Variants in WWOX observed in about 807,000 individuals in gnomAD.
WWOX encodes the protein WW domain containing oxidoreductase.
In WWOX, 69 loss-of-function variants were observed where a neutral mutation model predicts 46.2. The ratio of observed to expected loss-of-function variants is 1.49; its 90% CI spans 1.23 to 1.82. The LOEUF is 1.82. Ranked by LOEUF, WWOX falls within the 40% of genes most tolerant of loss-of-function variation. The pLI, the probability that WWOX is intolerant of heterozygous loss-of-function variation, is 0.00. For synonymous variants in WWOX, 359 were observed against 202.6 expected, an observed-to-expected ratio of 1.77 and a Z score of -6.56; for missense variants, 919 against 542.6, an observed-to-expected ratio of 1.69 and a Z score of -6.89.
At chr16:78,990,079 G>A (rs530739815) in intron 8 of WWOX, among the ~76,000 whole-genome samples, 26 of 151,778 alleles carry the variant, frequency 1.7e-4, no homozygotes, top group African/African-American at 5.6e-4. Context: ...AGCTACTCGG[G>A]AGGCTGAAGT....
chr16:79,076,006 G>A (rs1035770321), intron 8 of WWOX, among the ~76,000 whole-genome samples: 1 of 152,092 alleles, frequency 6.6e-6, no homozygotes, highest in African/African-American at 2.4e-5. Flanking sequence ...TGTTGAAGTG[G>A]GGTTTTTTTC....
intron 8 of WWOX, among the ~76,000 whole-genome samples, chr16:78,850,140 TTC>T (rs1407989440): frequency 2.0e-5 from 3 of 152,010 alleles, no homozygotes; most frequent in Non-Finnish European, 4.4e-5. Context: ...CACTACCAGT[TTC>T]TGTGTGTGTG....
At chr16:78,782,142 T>G (rs1160686498) in intron 8 of WWOX, among the ~76,000 whole-genome samples, 1 of 152,034 alleles carries the variant, frequency 6.6e-6, no homozygotes, top group East Asian at 1.9e-4. Context: ...GGCTTTAATT[T>G]CCCCCTCCAG....
At chr16:79,089,673 G>C (rs577789751) in intron 8 of WWOX, among the ~76,000 whole-genome samples, 1 of 152,120 alleles carries the variant, frequency 6.6e-6, no homozygotes, top group Non-Finnish European at 1.5e-5. Flanking sequence ...TGACTTCTTC[G>C]AATTGGTGCA....
chr16:78,668,233 T>G (rs1352492126), intron 8 of WWOX, among the ~76,000 whole-genome samples: 2 of 152,098 alleles, frequency 1.3e-5, no homozygotes, highest in East Asian at 3.9e-4. Context: ...TCAGCCGAGA[T>G]CTATGCCATT....
In WWOX at chr16:78,099,970, C is replaced by T. The variant is rs183585438; in HGVS notation, c.107+85C>T. On this transcript the variant is annotated intron_variant, in intron 1 of 8. Transcript: ENST00000566780. The stretch of plus-strand genomic sequence containing the variant: ...CACCTGCGCGGGGAGGACGCGCACT[C>T]CAGCGCAGCGCGTGCGGTGCAAAGT... The T allele has an allele frequency of 5.9e-4, 896 of 1,520,376 alleles. 7 individuals are homozygous for T. In the East Asian group the frequency reaches 0.021, roughly 35 times the overall value. 94.2% of individuals were successfully genotyped at this position (1,520,376 alleles called of 1,614,324 possible).
intron 8 of WWOX, among the ~76,000 whole-genome samples, chr16:78,549,024 T>A (rs918884620): frequency 6.6e-6 from 1 of 152,216 alleles, no homozygotes; most frequent in Non-Finnish European, 1.5e-5. Context: ...ATCATACTTT[T>A]ATCGGTGCCT....
At chr16:78,509,935 A>C (rs1025213642) in intron 8 of WWOX, among the ~76,000 whole-genome samples, 19 of 151,608 alleles carry the variant, frequency 1.3e-4, no homozygotes, top group African/African-American at 4.1e-4. Flanking sequence ...AAAAAAAAAA[A>C]AAAAAAGAAA....
At chr16:78,566,588 AG>A (rs975783374) in intron 8 of WWOX, among the ~76,000 whole-genome samples, 1 of 152,160 alleles carries the variant, frequency 6.6e-6, no homozygotes, top group African/African-American at 2.4e-5. Flanking sequence ...GTAAGTGCTC[AG>A]AGGCAGCCGG....
intron 8 of WWOX, among the ~76,000 whole-genome samples, chr16:78,578,285 T>TATATA (rs10638175): frequency 8.5e-4 from 11 of 12,944 alleles, no homozygotes; most frequent in Non-Finnish European, 1.1e-3. Flanking sequence ...TATATATATA[T>TATATA]TTTTTTTTTT....
At chr16:79,147,623 G>A (rs2050205230) in intron 8 of WWOX, among the ~76,000 whole-genome samples, 1 of 152,162 alleles carries the variant, frequency 6.6e-6, no homozygotes, top group Admixed American at 6.5e-5. Context: ...GAATGCAATT[G>A]GTGGGTTGTA....
At chr16:78,689,605 G>C (rs976135664) in intron 8 of WWOX, among the ~76,000 whole-genome samples, 1 of 152,088 alleles carries the variant, frequency 6.6e-6, no homozygotes, top group East Asian at 1.9e-4. Flanking sequence ...CCTGCCTTCA[G>C]CAAAAATCCT....
chr16:78,479,823 G>A (rs1397646653), intron 8 of WWOX, among the ~76,000 whole-genome samples: 3 of 152,198 alleles, frequency 2.0e-5, no homozygotes, highest in Admixed American at 6.5e-5. Flanking sequence ...ATGAATGAAA[G>A]CCAGGCTGAG....
intron 8 of WWOX, among the ~76,000 whole-genome samples, chr16:79,044,860 C>G (rs1317442199): frequency 1.3e-5 from 2 of 152,178 alleles, no homozygotes; most frequent in Admixed American, 6.5e-5. Context: ...TGTAAAGTCA[C>G]TCAGCCTCAT....
chr16:78,846,638 C>G (rs937408417), intron 8 of WWOX, among the ~76,000 whole-genome samples: 5 of 152,060 alleles, frequency 3.3e-5, no homozygotes, highest in African/African-American at 9.7e-5. Flanking sequence ...TGATGTTAGC[C>G]TTGACCTCTC....
chr16:78,700,634 C>T (rs1373181865), intron 8 of WWOX, among the ~76,000 whole-genome samples: 1 of 152,178 alleles, frequency 6.6e-6, no homozygotes, highest in East Asian at 1.9e-4. Context: ...AGGACCATTC[C>T]TCACTGTGCC....
chr16:78,273,107 G>C (rs1161158730), intron 5 of WWOX, among the ~76,000 whole-genome samples: 1 of 152,104 alleles, frequency 6.6e-6, no homozygotes, highest in Non-Finnish European at 1.5e-5. Context: ...GTCAGAGATA[G>C]AGTCTTTTAG....
At chr16:78,273,279 G>T (rs12596354) in intron 5 of WWOX, among the ~76,000 whole-genome samples, 16,760 of 152,068 alleles carry the variant, frequency 0.11, 1,945 homozygotes, top group African/African-American at 0.28. Flanking sequence ...TAGCCTAGTT[G>T]TCCAAACTTT....
chr16:78,821,504 T>C (rs952434385), intron 8 of WWOX, among the ~76,000 whole-genome samples: 15 of 152,212 alleles, frequency 9.9e-5, no homozygotes, highest in African/African-American at 2.7e-4. Context: ...TTGTGTAATC[T>C]TCACAGTGAC....
Sources: allele counts gnomAD v4.1 joint callset (sites outside exome capture counted in the v4.1 genomes callset), GRCh38; gene constraint gnomAD v4.1.1; transcripts MANE v1.5; gene names NCBI Gene and HGNC (gene_info 2026-07-23, HGNC 2026-07-21).